The following ASTN2 variants were observed in gnomAD, a reference collection of about 807,000 sequenced individuals.
ASTN2 encodes astrotactin 2, also known as astrotactin-2.
Under a neutral mutation model 139.8 loss-of-function variants are expected in ASTN2, and 54 were observed. The ratio of observed to expected loss-of-function variants is 0.39; its 90% CI spans 0.31 to 0.48. ASTN2 has a LOEUF of 0.48. Among genes scored for constraint, ASTN2 ranks in the 20% least tolerant of loss-of-function variants. The pLI, the probability that ASTN2 is intolerant of heterozygous loss-of-function variation, is 0.95. For synonymous variants in ASTN2, 756 were observed against 719.5 expected, an observed-to-expected ratio of 1.05 and a Z score of -0.81; for missense variants, 1,565 against 1,725.1, an observed-to-expected ratio of 0.91 and a Z score of 1.64.
At chr9:117,324,047 A>G (rs1828429238) in intron 1 of ASTN2, among the ~76,000 whole-genome samples, 1 of 152,148 alleles carries the variant, frequency 6.6e-6, no homozygotes, top group African/African-American at 2.4e-5. Flanking sequence ...ATCAGCCCAT[A>G]CAGTACATAA....
At chr9:117,304,418 C>G (rs142956215) in intron 1 of ASTN2, among the ~76,000 whole-genome samples, 6 of 152,310 alleles carry the variant, frequency 3.9e-5, no homozygotes, top group African/African-American at 1.4e-4. Context: ...AGCCTTGTCT[C>G]TTTTGCTGCC....
chr9:116,844,599 GA>G (rs544166495), intron 11 of ASTN2, among the ~76,000 whole-genome samples: 73 of 127,776 alleles, frequency 5.7e-4, no homozygotes, highest in East Asian at 9.2e-4. Flanking sequence ...TGCTACGGAG[GA>G]AAAAAAAAAA....
Position 116,996,142 on chromosome 9 carries a change from G to T in ASTN2, c.1591+11950C>A, listed in dbSNP as rs80036655. The stretch of plus-strand genomic sequence containing the variant: ...TGAACTCAAGTGATCCTCCCACCTT[G>T]GCCTCCCAAAGTGCTGGATTACAAG... On this transcript the variant is annotated intron_variant, in intron 7 of 22. Transcript: ENST00000313400. Among the ~76,000 whole-genome samples, 90 of 152,098 alleles carry T rather than the reference G, an allele frequency of 5.9e-4. 1 individual carries two copies. In the East Asian group the frequency reaches 0.016, roughly 28 times the overall value.
At chr9:116,602,905 G>A (rs533387117) in intron 19 of ASTN2, among the ~76,000 whole-genome samples, 21 of 152,306 alleles carry the variant, frequency 1.4e-4, no homozygotes, top group African/African-American at 5.1e-4. Flanking sequence ...ACTCCAGCCT[G>A]GGTGACAGAG....
chr9:116,838,412 A>C (rs899949633), intron 11 of ASTN2, among the ~76,000 whole-genome samples: 1 of 149,786 alleles, frequency 6.7e-6, no homozygotes, highest in East Asian at 2.0e-4. Context: ...CACCCAGCCA[A>C]AAATTTCCAG....
At position 117,008,277 on chromosome 9, in the gene ASTN2, G is replaced by A; in HGVS notation, c.1424-18C>T. The A allele has an allele frequency of 3.8e-6, 6 of 1,567,832 alleles. No homozygotes were observed. Among genetic ancestry groups the A allele is most frequent in the Non-Finnish European group, 5.2e-6 (6 of 1,155,686 alleles). On this transcript the variant is annotated intron_variant, in intron 6 of 22. Coordinates refer to ENST00000313400, the MANE Select transcript of ASTN2 (RefSeq NM_001365068.1). ...GCTGCTTCCTATGGGTGAACGGAGA[G>A]ACAGATACTTTCTTACTGATTTTAA...
chr9:116,959,397 G>A (rs1835814921), intron 10 of ASTN2, among the ~76,000 whole-genome samples: 1 of 152,134 alleles, frequency 6.6e-6, no homozygotes, highest in African/African-American at 2.4e-5. Context: ...GAGTCCTCAA[G>A]GGCTATGAGT....
At chr9:116,712,910 A>G (rs909064899) in intron 16 of ASTN2, among the ~76,000 whole-genome samples, 1 of 152,172 alleles carries the variant, frequency 6.6e-6, no homozygotes, top group East Asian at 1.9e-4. Flanking sequence ...AATGCCCAGC[A>G]TACCTCCTGG....
chr9:117,034,136 T>C (rs1395023026), intron 6 of ASTN2, among the ~76,000 whole-genome samples: 1 of 152,108 alleles, frequency 6.6e-6, no homozygotes, highest in Non-Finnish European at 1.5e-5. Context: ...TACACTGGAG[T>C]GGAACCATCT....
chr9:117,403,690 C>A (rs1830901979), intron 1 of ASTN2, among the ~76,000 whole-genome samples: 1 of 152,170 alleles, frequency 6.6e-6, no homozygotes, highest in Non-Finnish European at 1.5e-5. Flanking sequence ...CGTGACTTCC[C>A]TGGGTGCATG....
chr9:116,849,997 G>GA (rs567024680), intron 11 of ASTN2, among the ~76,000 whole-genome samples: 2 of 151,900 alleles, frequency 1.3e-5, no homozygotes, highest in African/African-American at 2.4e-5. Flanking sequence ...TTTAAAAGAA[G>GA]AAAAAAAATC....
In ASTN2 at chr9:117,184,340, G is replaced by T. The variant is rs1004995955; in HGVS notation, c.1015+30018C>A. Among the ~76,000 whole-genome samples the T allele has an allele frequency of 5.9e-5, 9 of 152,312 alleles. No individual in the cohort carries two copies. The South Asian group carries it at 6.2e-4, about 11-fold the overall frequency. ...GCAGACTGTCTGTCCATGGGGCGAG[G>T]CTGCTTCCTGGGGTGATGAACAGCG... is the stretch of plus-strand genomic sequence containing the variant. On this transcript the variant is annotated intron_variant, in intron 3 of 22. Transcript: ENST00000313400.
chr9:116,946,075 C>T (rs1035233459), intron 10 of ASTN2, among the ~76,000 whole-genome samples: 2 of 152,196 alleles, frequency 1.3e-5, no homozygotes, highest in African/African-American at 4.8e-5. Flanking sequence ...CTCTTGAGAA[C>T]TCACTTACTA....
chr9:117,096,159 TA>T lies in ASTN2; in HGVS notation c.1169-9del. ...TCCCAAAGCTGATTCCTCCTGTGAG[TA>T]AGCACAGTCTATCAGTTAGTCTCCC... On this transcript the variant is annotated splice_polypyrimidine_tract_variant and intron_variant, in intron 4 of 22. Transcript: ENST00000313400. The T allele has an allele frequency of 6.2e-7, 1 of 1,611,532 alleles. No individual in the cohort carries two copies. The highest frequency in any genetic ancestry group is 8.5e-7 in the Non-Finnish European group (1 of 1,177,788).
intron 2 of ASTN2, among the ~76,000 whole-genome samples, chr9:117,235,345 T>A (rs1415485619): frequency 4.6e-5 from 7 of 151,994 alleles, no homozygotes; most frequent in African/African-American, 1.7e-4. Flanking sequence ...AACAAATCAA[T>A]CCTCATTGGA....
intron 11 of ASTN2, among the ~76,000 whole-genome samples, chr9:116,847,854 A>G (rs1281596031): frequency 1.3e-5 from 2 of 152,174 alleles, no homozygotes; most frequent in Non-Finnish European, 2.9e-5. Context: ...AGAGGTGCTG[A>G]CGCCATTTGG....
chr9:117,255,531 C>A (rs1048947227), intron 2 of ASTN2, among the ~76,000 whole-genome samples: 9 of 152,178 alleles, frequency 5.9e-5, no homozygotes, highest in Non-Finnish European at 7.4e-5. Context: ...ACTGCAGGTT[C>A]TTTACTTCTA....
At chr9:117,082,670 G>A (rs934703699) in intron 5 of ASTN2, among the ~76,000 whole-genome samples, 7 of 152,174 alleles carry the variant, frequency 4.6e-5, no homozygotes, top group African/African-American at 4.8e-5. Flanking sequence ...GGGCATGGTG[G>A]CACATGCCTG....
At chr9:116,833,976 C>CA (rs34675550) in intron 11 of ASTN2, among the ~76,000 whole-genome samples, 92,064 of 152,092 alleles carry the variant, frequency 0.61, 28,261 homozygotes, top group Middle Eastern at 0.79. Flanking sequence ...GGAATTTCAC[C>CA]AAAAAACGAA....
Sources: gnomAD v4.1 joint callset for allele counts (sites outside exome capture counted in the v4.1 genomes callset) on GRCh38, gnomAD v4.1.1 for gene constraint, MANE v1.5 for transcripts, NCBI Gene and HGNC (gene_info 2026-07-23, HGNC 2026-07-21) for gene names.